The following PPFIA2 variants were observed in gnomAD, a reference collection of about 807,000 sequenced individuals.
PPFIA2 encodes the protein PPFI scaffold protein A2.
Under a neutral mutation model 175.5 loss-of-function variants are expected in PPFIA2, and 46 were observed. The ratio of observed to expected loss-of-function variants is 0.26; its 90% CI spans 0.21 to 0.34. The LOEUF (loss-of-function observed/expected upper bound fraction) is 0.34. PPFIA2 is among the 10% of genes least tolerant of loss of function. PPFIA2 has a pLI of 1.00. For synonymous variants in PPFIA2, 568 were observed against 511.4 expected (o/e 1.11, Z -1.49); for missense variants, 1,179 against 1,506.1 (o/e 0.78, Z 3.60).
intron 4 of PPFIA2, among the ~76,000 whole-genome samples, chr12:81,536,301 C>T (rs1317140857): frequency 6.6e-6 from 1 of 151,618 alleles, no homozygotes; most frequent in Non-Finnish European, 1.5e-5. Flanking sequence ...TTCCAAATTT[C>T]ACTCTAACAT....
chr12:81,542,064 C>CT (rs1413565359), intron 4 of PPFIA2, among the ~76,000 whole-genome samples: 1 of 151,958 alleles, frequency 6.6e-6, no homozygotes, highest in Non-Finnish European at 1.5e-5. Context: ...ATCCCTGGAA[C>CT]TTACGAACAT....
chr12:81,373,122 G>A (rs1463639820), intron 11 of PPFIA2, among the ~76,000 whole-genome samples: 1 of 151,588 alleles, frequency 6.6e-6, no homozygotes, highest in Non-Finnish European at 1.5e-5. Context: ...AGGTTAATGT[G>A]GGGCAGTGAT....
At chr12:81,301,056 T>C (rs1196720705) in intron 22 of PPFIA2, among the ~76,000 whole-genome samples, 1 of 152,094 alleles carries the variant, frequency 6.6e-6, no homozygotes, top group Non-Finnish European at 1.5e-5. Flanking sequence ...TTGTGAAGTA[T>C]GTCATTTTAG....
At chr12:81,673,251 A>G (rs745817052) in intron 4 of PPFIA2, among the ~76,000 whole-genome samples, 1 of 152,054 alleles carries the variant, frequency 6.6e-6, no homozygotes, top group Admixed American at 6.6e-5. Context: ...TCCAGATAGC[A>G]GGTTCATGCT....
chr12:81,518,210 C>T (rs572401187), intron 4 of PPFIA2, among the ~76,000 whole-genome samples: 1 of 152,264 alleles, frequency 6.6e-6, no homozygotes, highest in South Asian at 2.1e-4. Context: ...CTTGATGATC[C>T]AATACCAACA....
chr12:81,429,729 C>T (rs752124848), intron 7 of PPFIA2, among the ~76,000 whole-genome samples: 1 of 152,018 alleles, frequency 6.6e-6, no homozygotes, highest in Non-Finnish European at 1.5e-5. Context: ...ATTTGTATCT[C>T]TTCCTTTTGA....
intron 3 of PPFIA2, among the ~76,000 whole-genome samples, chr12:81,736,612 A>T (rs2153647687): frequency 6.6e-6 from 1 of 152,170 alleles, no homozygotes; most frequent in South Asian, 2.1e-4. Context: ...CCGTTGGGAC[A>T]ATTACTGACA....
At chr12:81,571,194 T>C (rs1490673089) in intron 4 of PPFIA2, among the ~76,000 whole-genome samples, 1 of 152,114 alleles carries the variant, frequency 6.6e-6, no homozygotes, top group Non-Finnish European at 1.5e-5. Context: ...GTAAAATGCT[T>C]TAAAATATTC....
rs201952096 is a variant in PPFIA2, at chr12:81,374,809, G to C, written c.1132-41C>G. The C allele has an allele frequency of 1.3e-3, 2,002 of 1,573,674 alleles. 3 individuals carry two copies. Among genetic ancestry groups the C allele is most frequent in the Non-Finnish European group, 1.6e-3 (1,841 of 1,155,606 alleles). ...GAGCAGAGACACTTAAAGAGTCAGA[G>C]TTTGGATAGCAAACACCAGTCGCCA... is the stretch of plus-strand genomic sequence containing the variant. On this transcript the variant is annotated intron_variant, in intron 10 of 32. Transcript: ENST00000549396.
intron 15 of PPFIA2, among the ~76,000 whole-genome samples, chr12:81,358,630 C>T (rs1291222730): frequency 6.6e-6 from 1 of 152,036 alleles, no homozygotes; most frequent in Admixed American, 6.6e-5. Context: ...TCTTATACAT[C>T]TAGCTAAAAA....
chr12:81,577,236 C>T (rs1253476943), intron 4 of PPFIA2, among the ~76,000 whole-genome samples: 6 of 151,742 alleles, frequency 4.0e-5, no homozygotes, highest in African/African-American at 1.5e-4. Context: ...TAGAGGAAAA[C>T]CAGACATTAT....
At chr12:81,493,778 A>ATC (rs1171578297) in intron 4 of PPFIA2, among the ~76,000 whole-genome samples, 1 of 142,220 alleles carries the variant, frequency 7.0e-6, no homozygotes, top group Admixed American at 7.1e-5. Flanking sequence ...ATATATATAT[A>ATC]TATATATATA....
At chr12:81,333,321 GAAC>G (rs2056494832) in intron 21 of PPFIA2, among the ~76,000 whole-genome samples, 1 of 152,138 alleles carries the variant, frequency 6.6e-6, no homozygotes, top group African/African-American at 2.4e-5. Context: ...CTCTTATACA[GAAC>G]AACTCTTCAA....
chr12:81,354,701 C>T (rs575606378), intron 16 of PPFIA2, among the ~76,000 whole-genome samples: 3 of 151,750 alleles, frequency 2.0e-5, no homozygotes, highest in African/African-American at 4.8e-5. Flanking sequence ...TGGAGGGCAG[C>T]GGCTTGATCT....
At chr12:81,425,275 C>A (rs537469522) in intron 7 of PPFIA2, among the ~76,000 whole-genome samples, 12 of 152,282 alleles carry the variant, frequency 7.9e-5, no homozygotes, top group African/African-American at 2.9e-4. Context: ...CATAAATATA[C>A]TTGACTCAGC....
intron 3 of PPFIA2, among the ~76,000 whole-genome samples, chr12:81,701,915 TAAAAAA>T (rs748051152): frequency 1.2e-5 from 1 of 84,204 alleles, no homozygotes; most frequent in Non-Finnish European, 2.2e-5. Context: ...ATGGGAAGAC[TAAAAAA>T]AAAAAAAAAA....
intron 21 of PPFIA2, 47 bp downstream of exon 21, chr12:81,339,133 T>G (rs752521985): frequency 1.4e-6 from 2 of 1,441,906 alleles, no homozygotes; most frequent in Non-Finnish European, 1.8e-6. Flanking sequence ...TACTGTGACA[T>G]GACTAAAATG....
chr12:81,265,729 C>A (rs1286052929), intron 30 of PPFIA2, among the ~76,000 whole-genome samples: 1 of 152,274 alleles, frequency 6.6e-6, no homozygotes, highest in Middle Eastern at 3.4e-3. Context: ...GCTCAATAGA[C>A]TTTTCTTCTA....
intron 5 of PPFIA2, among the ~76,000 whole-genome samples, chr12:81,456,032 T>C (rs964968038): frequency 5.3e-5 from 8 of 152,190 alleles, no homozygotes; most frequent in Non-Finnish European, 1.0e-4. Context: ...GCATTAGTTA[T>C]AAACCTAACC....
Sources: allele counts gnomAD v4.1 joint callset (sites outside exome capture counted in the v4.1 genomes callset), GRCh38; gene constraint gnomAD v4.1.1; transcripts MANE v1.5; gene names NCBI Gene and HGNC (gene_info 2026-07-23, HGNC 2026-07-21).